RP2: variants seen among roughly 807,000 people sequenced by gnomAD.
RP2 encodes RP2 activator of ARL3 GTPase.
A neutral mutation model predicts 20.3 loss-of-function variants in RP2; 3 were observed. The ratio of observed to expected loss-of-function variants is 0.15; its 90% CI spans 0.07 to 0.38. RP2 has a LOEUF of 0.38. RP2 is among the 10% of genes least tolerant of loss of function. The pLI is 1.00. For missense variants in RP2, 233 were observed against 268.5 expected, an observed-to-expected ratio of 0.87 and a Z score of 0.92; for synonymous variants, 75 against 94.8, an observed-to-expected ratio of 0.79 and a Z score of 1.22.
At chrX:46,847,768 GTGTGTGTGTACATACACACA>G (rs1569531394) in intron 1 of RP2, among the ~76,000 whole-genome samples, 37 of 59,561 alleles carry the variant, frequency 6.2e-4, no homozygotes, top group African/African-American at 3.5e-3. Flanking sequence ...ATACACACAT[GTGTGTGTGTACATACACACA>G]TGTGTGTGTG....
intron 2 of RP2, among the ~76,000 whole-genome samples, chrX:46,857,804 AATC>A (rs1241973863): frequency 8.9e-6 from 1 of 112,133 alleles, no homozygotes; most frequent in Non-Finnish European, 1.9e-5. Context: ...ATTTTGAAGT[AATC>A]ATCATAATCT....
At chrX:46,868,963 A>C (rs1925232532) in intron 3 of RP2, among the ~76,000 whole-genome samples, 1 of 108,469 alleles carries the variant, frequency 9.2e-6, no homozygotes, top group Non-Finnish European at 1.9e-5. Flanking sequence ...TGGGTGTGTG[A>C]TGGTGCGTGC....
At chrX:46,877,703 GGT>G (rs397959535) in intron 4 of RP2, 113 bp downstream of exon 4, 215 of 375,700 alleles carry the variant, frequency 5.7e-4, no homozygotes, top group East Asian at 3.2e-3. Flanking sequence ...GAATTTTTGG[GGT>G]GTGTGTGTGT....
chrX:46,847,719 T>TGTGTGTGTATATATACACAC (rs1569531345), intron 1 of RP2, among the ~76,000 whole-genome samples: 1 of 85,011 alleles, frequency 1.2e-5, no homozygotes, highest in African/African-American at 4.9e-5. Context: ...TACACACATA[T>TGTGTGTGTATATATACACAC]ATGTGTGTGT....
At chrX:46,868,171 A>C (rs1556323449) in intron 3 of RP2, among the ~76,000 whole-genome samples, 1 of 112,081 alleles carries the variant, frequency 8.9e-6, no homozygotes, top group Non-Finnish European at 1.9e-5. Flanking sequence ...GTGTCATGAT[A>C]TCTCATTGTG....
At chrX:46,863,323 T>C (rs1232069171) in intron 3 of RP2, among the ~76,000 whole-genome samples, 1 of 112,664 alleles carries the variant, frequency 8.9e-6, no homozygotes, top group Non-Finnish European at 1.9e-5. Flanking sequence ...TATTTTGTAA[T>C]AAAGCAAATG....
At chrX:46,841,987 G>A (rs191749763) in intron 1 of RP2, among the ~76,000 whole-genome samples, 27 of 111,915 alleles carry the variant, frequency 2.4e-4, no homozygotes, top group East Asian at 1.4e-3. Context: ...TATGATCTCC[G>A]CTCACTGCTC....
chrX:46,876,803 T>G (rs782258327), intron 3 of RP2, among the ~76,000 whole-genome samples: 1 of 112,553 alleles, frequency 8.9e-6, no homozygotes, highest in South Asian at 3.6e-4. Flanking sequence ...TTGTATTTGT[T>G]TAATGGGTTT....
At chrX:46,837,269 G>A in intron 1 of RP2, 67 bp downstream of exon 1, 1 of 1,055,551 alleles carries the variant, frequency 9.5e-7, no homozygotes, top group Non-Finnish European at 1.3e-6. Context: ...CTTACGGCCC[G>A]GGACCGCTGA....
At chrX:46,874,415 CCTTTT>C (rs1322622681) in intron 3 of RP2, among the ~76,000 whole-genome samples, 1 of 111,614 alleles carries the variant, frequency 9.0e-6, no homozygotes, top group Non-Finnish European at 1.9e-5. Context: ...TTATTATCAA[CCTTTT>C]CTTTTTAGTT....
intron 3 of RP2, among the ~76,000 whole-genome samples, chrX:46,861,458 G>T (rs1925060950): frequency 8.9e-6 from 1 of 111,937 alleles, no homozygotes; most frequent in Non-Finnish European, 1.9e-5. Context: ...CCTATAGGAA[G>T]TATTCAAAGA....
At chrX:46,874,019 T>C (rs180675184) in intron 3 of RP2, among the ~76,000 whole-genome samples, 90 of 110,935 alleles carry the variant, frequency 8.1e-4, no homozygotes, top group African/African-American at 2.8e-3. Context: ...TACCAGGTCT[T>C]CAGCTGCGTT....
intron 4 of RP2, among the ~76,000 whole-genome samples, chrX:46,879,080 A>AAC (rs1485633819): frequency 2.0e-5 from 2 of 99,729 alleles, no homozygotes; most frequent in Non-Finnish European, 4.1e-5. Flanking sequence ...AAAAAAAAAA[A>AAC]AAAAAAAAAA....
intron 3 of RP2, among the ~76,000 whole-genome samples, chrX:46,875,482 C>T (rs2147088752): frequency 9.0e-6 from 1 of 110,526 alleles, no homozygotes; most frequent in South Asian, 3.8e-4. Flanking sequence ...AATTGGTGCC[C>T]TAGCAACCTC....
intron 3 of RP2, among the ~76,000 whole-genome samples, chrX:46,867,845 T>C (rs1925203441): frequency 8.9e-6 from 1 of 112,345 alleles, no homozygotes; most frequent in Non-Finnish European, 1.9e-5. Flanking sequence ...ATTCCTTTTA[T>C]GGCTGACTAA....
intron 1 of RP2, among the ~76,000 whole-genome samples, chrX:46,847,719 T>C (rs1392699138): frequency 2.4e-5 from 2 of 85,011 alleles, no homozygotes; most frequent in African/African-American, 4.9e-5. Flanking sequence ...TACACACATA[T>C]ATGTGTGTGT....
chrX:46,847,097 C>G (rs1924728311), intron 1 of RP2, among the ~76,000 whole-genome samples: 2 of 111,867 alleles, frequency 1.8e-5, no homozygotes, highest in Admixed American at 1.9e-4. Flanking sequence ...GTTTAACTTG[C>G]ATTTCCCAAA....
At position 46,837,189 on chromosome X, in the gene RP2, A is replaced by G. The variant is rs1386345335; in HGVS notation, c.89A>G (p.Asp30Gly). The G allele has an allele frequency of 1.3e-5, 15 of 1,167,040 alleles. No individual in the cohort carries two copies. Among genetic ancestry groups the G allele is most frequent in the Non-Finnish European group, 1.7e-5 (15 of 873,339 alleles). ...GAGCGGCCAAAGCAGTACAGCTGGG[A>G]TCAGCGCGAGAAGGTAATGAAAGTC... ...EEERPKQYSWDQREKVDPKDY... is the reference protein window; with the variant it reads ...EEERPKQYSWGQREKVDPKDY... Residue 30 changes from aspartate (D) to glycine (G), a missense_variant, in exon 1 of 5, where the codon GAT (aspartate) becomes GGT (glycine). Around this residue, in one of 3 missense-constraint regions of RP2, gnomAD observed 77 missense variants for 71.8 expected, o/e 1.07. Transcript: ENST00000218340.
intron 1 of RP2, 88 bp downstream of exon 1, chrX:46,837,290 C>A: frequency 3.4e-6 from 3 of 889,492 alleles, no homozygotes; most frequent in Non-Finnish European, 4.8e-6. Flanking sequence ...GGGGGCCGAC[C>A]CAACTGCTGC....
Sources: allele counts gnomAD v4.1 joint callset (sites outside exome capture counted in the v4.1 genomes callset), GRCh38; gene constraint gnomAD v4.1.1; regional missense constraint gnomAD v4.1.1; transcripts MANE v1.5; gene names NCBI Gene and HGNC (gene_info 2026-07-23, HGNC 2026-07-21).